Variants in ADCY1 observed in about 807,000 individuals in gnomAD.
ADCY1 encodes the protein adenylate cyclase 1.
In ADCY1, 28 loss-of-function variants were observed where a neutral mutation model predicts 105.4. The ratio of observed to expected loss-of-function variants is 0.27; its 90% CI spans 0.20 to 0.36. ADCY1 has a LOEUF of 0.36. Among genes scored for constraint, ADCY1 ranks in the 10% least tolerant of loss-of-function variants. The probability of loss-of-function intolerance (pLI) is 1.00; values close to 1 mark genes in which losing one functional copy is unlikely to be tolerated. For missense variants in ADCY1, 977 were observed against 1,434.2 expected (o/e 0.68, Z 5.15); for synonymous variants, 655 against 623.8 (o/e 1.05, Z -0.75).
At chr7:45,604,391 C>T (rs2115833979) in intron 2 of ADCY1, among the ~76,000 whole-genome samples, 1 of 152,192 alleles carries the variant, frequency 6.6e-6, no homozygotes, top group South Asian at 2.1e-4. Flanking sequence ...TCCTTTTGTA[C>T]TTTTGGTGTC....
At position 45,686,818 on chromosome 7, in the gene ADCY1, A is replaced by G; in HGVS notation, c.2454+145A>G. ...CTCCTCAGCAGCATGCAAGCCAGGC[A>G]CTGTCCGGGGATGGAGGAGACCTAT... On this transcript the variant is annotated intron_variant, in intron 14 of 19. Transcript: ENST00000297323. This position sits in a 1 kb window ranked among gnomAD's most constrained non-coding sequence, Gnocchi z 4.3. The G allele has an allele frequency of 3.2e-6, 4 of 1,267,524 alleles. No homozygotes were observed. The highest frequency in any genetic ancestry group is 2.6e-5 in the East Asian group (1 of 38,912). 78.5% of individuals were successfully genotyped at this position (1,267,524 alleles called of 1,614,324 possible).
rs58025464 is a variant in ADCY1 at position 45,673,964 on chromosome 7, CATATATATAT to C, written c.1606-3870_1606-3861del. ...TTTGGCATATGTTCATTCAGATGAG[CATATATATAT>C]ATATATATATATATATATATATATA... On this transcript the variant is annotated intron_variant, in intron 8 of 19. Transcript: ENST00000297323. Among the ~76,000 whole-genome samples the C allele has an allele frequency of 6.4e-3, 731 of 115,018 alleles. 7 individuals carry two copies. The highest frequency in any genetic ancestry group is 0.04 in the East Asian group (164 of 4,058). The allele number at this position is 115,018 out of a possible 152,430, so 75.5% of individuals were successfully genotyped here.
At chr7:45,630,111 A>C (rs1794196456) in intron 4 of ADCY1, among the ~76,000 whole-genome samples, 1 of 151,872 alleles carries the variant, frequency 6.6e-6, no homozygotes, top group Non-Finnish European at 1.5e-5. Flanking sequence ...ACTTCTTTTT[A>C]TTTGGGTTGA....
At chr7:45,683,657 C>A (rs879674247) in intron 11 of ADCY1, among the ~76,000 whole-genome samples, 1 of 152,128 alleles carries the variant, frequency 6.6e-6, no homozygotes, top group Non-Finnish European at 1.5e-5. Context: ...TATATTAGCA[C>A]TTTCATTTGA....
At chr7:45,678,337 G>C in intron 10 of ADCY1, 74 bp downstream of exon 10, 2 of 1,429,320 alleles carry the variant, frequency 1.4e-6, no homozygotes, top group Non-Finnish European at 2.0e-6. Context: ...TTGTGTTTCT[G>C]GGGTTCGTGG....
At chr7:45,645,141 T>C (rs1794625157) in intron 4 of ADCY1, among the ~76,000 whole-genome samples, 1 of 152,090 alleles carries the variant, frequency 6.6e-6, no homozygotes, top group South Asian at 2.1e-4. Context: ...TTGTAAGGCC[T>C]TGCCACATGA....
intron 5 of ADCY1, among the ~76,000 whole-genome samples, chr7:45,649,804 C>T (rs1479180876): frequency 2.0e-5 from 3 of 152,200 alleles, no homozygotes; most frequent in African/African-American, 7.2e-5. Flanking sequence ...TTCACCAACA[C>T]GGCTTCATGT....
At position 45,673,332 on chromosome 7, in the gene ADCY1, C is replaced by G. The variant is rs140863573; in HGVS notation, c.1606-4537C>G. 2.5e-3 allele frequency among the ~76,000 whole-genome samples: 380 copies of G among 152,164 alleles called. 6 individuals are homozygous for G. The highest frequency in any genetic ancestry group is 3.3e-3 in the East Asian group (17 of 5,182). ...GAAGTGTTGCTTCCTCTTCTATTTT[C>G]TGGAAGAGATTGGTTAAAACTGGTG... On this transcript the variant is annotated intron_variant, in intron 8 of 19. Transcript: ENST00000297323.
chr7:45,679,532 A>C (rs541594153), intron 10 of ADCY1, among the ~76,000 whole-genome samples, 177 bp from the exon 11 acceptor site: 2 of 152,328 alleles, frequency 1.3e-5, no homozygotes, highest in Admixed American at 6.5e-5. Flanking sequence ...TGCCCTAAAA[A>C]ATAGAACCAG....
At chr7:45,642,982 C>T (rs1794566156) in intron 4 of ADCY1, among the ~76,000 whole-genome samples, 1 of 152,116 alleles carries the variant, frequency 6.6e-6, no homozygotes, top group African/African-American at 2.4e-5. Flanking sequence ...TAATAATCAG[C>T]ACCCCGTTAT....
chr7:45,679,834 G>T (rs1784523284), intron 11 of ADCY1, 41 bp downstream of exon 11: 1 of 1,604,406 alleles, frequency 6.2e-7, no homozygotes, highest in Non-Finnish European at 8.5e-7. Context: ...ATATCACCTG[G>T]TTCATGTATG....
intron 2 of ADCY1, among the ~76,000 whole-genome samples, chr7:45,597,137 A>G (rs1032084857): frequency 2.4e-4 from 37 of 152,264 alleles, no homozygotes; most frequent in Admixed American, 1.4e-3. Flanking sequence ...AGAGCACAGC[A>G]GGGTACTGCT....
In ADCY1 at chr7:45,688,562, C is replaced by T. The variant is rs542863597; in HGVS notation, c.2454+1889C>T. ...AAGCAGCTCAGTGGGTTTATGTCAG[C>T]ATGACAGGGCAGGATGCATATTTAA... On this transcript the variant is annotated intron_variant, in intron 14 of 19. Coordinates refer to ENST00000297323, the MANE Select transcript of ADCY1 (RefSeq NM_021116.4). Among the ~76,000 whole-genome samples the T allele has an allele frequency of 4.6e-5, 7 of 152,260 alleles. No individual in the cohort carries two copies. The South Asian group carries it at 1.5e-3, about 32-fold the overall frequency.
chr7:45,685,663 G>A (rs945189069), intron 12 of ADCY1, among the ~76,000 whole-genome samples: 1 of 151,482 alleles, frequency 6.6e-6, no homozygotes, highest in African/African-American at 2.4e-5. Flanking sequence ...TGGAGCTGGG[G>A]CAGGAGTAAC....
intron 8 of ADCY1, among the ~76,000 whole-genome samples, chr7:45,666,001 C>T (rs114029484): frequency 5.1e-4 from 77 of 152,322 alleles, no homozygotes; most frequent in African/African-American, 1.6e-3. Flanking sequence ...AAATTGTTCT[C>T]TCTCAGGCAC....
chr7:45,632,541 T>C (rs1383936182), intron 4 of ADCY1, among the ~76,000 whole-genome samples: 2 of 122,548 alleles, frequency 1.6e-5, no homozygotes, highest in Non-Finnish European at 3.7e-5. Flanking sequence ...TTCTCAGAAA[T>C]GTATAGTTTT....
chr7:45,638,048 A>T (rs1376976760), intron 4 of ADCY1, among the ~76,000 whole-genome samples: 1 of 151,956 alleles, frequency 6.6e-6, no homozygotes, highest in Non-Finnish European at 1.5e-5. Context: ...TTTGATGTGA[A>T]TTTGAGTTTT....
In ADCY1 at chr7:45,713,887, C is replaced by A. The variant is rs1440441128; in HGVS notation, c.3252C>A (p.Gly1084=). ...CATTTGGGAGAGCTGGCCTTCAGGG[C>A]AGACGTCCCCCCGTGTGCCCCATGC... ...MCPFGRAGLQ[G]RRPPVCPMPG... is the part of the protein sequence containing the mutation. The change falls in exon 20 of 20, where the codon GGC becomes GGA. Residue 1084 remains glycine (G), a synonymous_variant. Transcript: ENST00000297323. The A allele has an allele frequency of 1.3e-6, 1 of 780,602 alleles. No homozygotes were observed. Among genetic ancestry groups the A allele is most frequent in the Non-Finnish European group, 2.4e-6 (1 of 418,154 alleles). The allele number at this position is 780,602 out of a possible 1,614,324, so 48.4% of individuals were successfully genotyped here.
intron 3 of ADCY1, among the ~76,000 whole-genome samples, chr7:45,612,960 T>C (rs1793631123): frequency 6.6e-6 from 1 of 152,150 alleles, no homozygotes; most frequent in South Asian, 2.1e-4. Context: ...CTGTGGCTGA[T>C]TGGTGAGAGT....
Sources: gnomAD v4.1 joint callset for allele counts (sites outside exome capture counted in the v4.1 genomes callset) on GRCh38, gnomAD v4.1.1 for gene constraint, Gnocchi (gnomAD v3.1) non-coding constraint, MANE v1.5 for transcripts, NCBI Gene and HGNC (gene_info 2026-07-23, HGNC 2026-07-21) for gene names.